The following ADIPOR2 variants were observed in gnomAD, a reference collection of about 807,000 sequenced individuals.
ADIPOR2 encodes the protein adiponectin receptor protein 2.
A neutral mutation model predicts 40.9 loss-of-function variants in ADIPOR2; 18 were observed. The ratio of observed to expected loss-of-function variants is 0.44; its 90% CI spans 0.30 to 0.65. The LOEUF (loss-of-function observed/expected upper bound fraction) is 0.65, where lower values mean the gene tolerates loss of function less well. Ranked by LOEUF, ADIPOR2 falls within the 30% of genes least tolerant of loss-of-function variation. The pLI is 0.09. For synonymous variants in ADIPOR2, 165 were observed against 166.4 expected, an observed-to-expected ratio of 0.99 and a Z score of 0.06; for missense variants, 283 against 479.2, an observed-to-expected ratio of 0.59 and a Z score of 3.82.
chr12:1,708,039 A>C (rs201817408), intron 1 of ADIPOR2, among the ~76,000 whole-genome samples: 2 of 142,360 alleles, frequency 1.4e-5, no homozygotes, highest in African/African-American at 5.0e-5. Context: ...AATGTTTGGT[A>C]AAAAAATAAC....
chr12:1,744,987 T>C (rs1356253946), intron 1 of ADIPOR2, among the ~76,000 whole-genome samples: 2 of 152,214 alleles, frequency 1.3e-5, no homozygotes, highest in Non-Finnish European at 2.9e-5. Flanking sequence ...CCTTTAAATT[T>C]TTTTTTAAGG....
chr12:1,780,769 C>A, intron 5 of ADIPOR2, 120 bp from the exon 6 acceptor site: 1 of 1,358,874 alleles, frequency 7.4e-7, no homozygotes, highest in Non-Finnish European at 9.9e-7. Context: ...AATTAAAGAG[C>A]AACCCAGTTT....
chr12:1,739,522 A>G (rs531464579), intron 1 of ADIPOR2, among the ~76,000 whole-genome samples: 33 of 152,354 alleles, frequency 2.2e-4, no homozygotes, highest in African/African-American at 7.5e-4. Context: ...TTTGTGATAG[A>G]TGAATGAAAA....
intron 3 of ADIPOR2, among the ~76,000 whole-genome samples, chr12:1,774,259 A>G (rs1340838337): frequency 2.6e-5 from 4 of 152,200 alleles, no homozygotes. Flanking sequence ...TCCCTTTCTG[A>G]ACAGAGAACA....
chr12:1,780,163 A>T, intron 4 of ADIPOR2: 1 of 266,942 alleles, frequency 3.7e-6, no homozygotes, highest in South Asian at 1.3e-4. Context: ...TGGCTTCATT[A>T]TATCTTCTAA....
chr12:1,728,037 T>G (rs1014407210), intron 1 of ADIPOR2, among the ~76,000 whole-genome samples: 2 of 152,112 alleles, frequency 1.3e-5, no homozygotes, highest in African/African-American at 4.8e-5. Flanking sequence ...TTGTGTAGGA[T>G]TTCCACATCT....
At chr12:1,729,060 T>C (rs1387088787) in intron 1 of ADIPOR2, among the ~76,000 whole-genome samples, 1 of 151,454 alleles carries the variant, frequency 6.6e-6, no homozygotes, top group Non-Finnish European at 1.5e-5. Context: ...AAATCTTTTT[T>C]CCCCCTCTAC....
chr12:1,706,450 C>T (rs117428822), intron 1 of ADIPOR2, among the ~76,000 whole-genome samples: 2 of 152,184 alleles, frequency 1.3e-5, no homozygotes, highest in East Asian at 1.9e-4. Flanking sequence ...GGAGTAAAGA[C>T]TAGGGAGTAT....
chr12:1,715,731 T>C (rs1361711845), intron 1 of ADIPOR2, among the ~76,000 whole-genome samples: 1 of 152,060 alleles, frequency 6.6e-6, no homozygotes, highest in Non-Finnish European at 1.5e-5. Flanking sequence ...CTGGGTTGGG[T>C]GGGGACTTGG....
At chr12:1,773,267 C>A (rs1364076740) in intron 3 of ADIPOR2, among the ~76,000 whole-genome samples, 1 of 152,050 alleles carries the variant, frequency 6.6e-6, no homozygotes, top group Non-Finnish European at 1.5e-5. Context: ...GAAACATAGT[C>A]AGAAGTGGTT....
intron 2 of ADIPOR2, among the ~76,000 whole-genome samples, chr12:1,762,211 C>T (rs1862284874): frequency 6.6e-6 from 1 of 152,164 alleles, no homozygotes. Flanking sequence ...CCACTTCATT[C>T]TATTTCAAGT....
At chr12:1,783,057 T>A (rs1479196816) in intron 6 of ADIPOR2, among the ~76,000 whole-genome samples, 2 of 146,342 alleles carry the variant, frequency 1.4e-5, no homozygotes, top group Non-Finnish European at 3.0e-5. Context: ...CCATCTTGGC[T>A]CCTGACCTCA....
chr12:1,692,386 G>A (rs2094628997), intron 1 of ADIPOR2, among the ~76,000 whole-genome samples: 1 of 152,166 alleles, frequency 6.6e-6, no homozygotes, highest in Non-Finnish European at 1.5e-5. Context: ...TTGTCAGAGT[G>A]TTGATTGTGA....
At chr12:1,761,293 T>C (rs893253302) in intron 2 of ADIPOR2, among the ~76,000 whole-genome samples, 1 of 152,230 alleles carries the variant, frequency 6.6e-6, no homozygotes, top group South Asian at 2.1e-4. Context: ...GTTTCCACTT[T>C]TCGACTGTTG....
rs766535675 is a variant in ADIPOR2 at position 1,780,476 on chromosome 12, G to T, written c.489G>T (p.Gly163=). 1.1e-5 allele frequency: 17 copies of T among 1,611,364 alleles called. No homozygotes were observed. Among genetic ancestry groups the T allele is most frequent in the Non-Finnish European group, 1.4e-5 (17 of 1,179,220 alleles). The change falls in exon 5 of 8, where the codon GGG becomes GGT. Residue 163 remains glycine, a synonymous_variant. Transcript: ENST00000357103. ...GTTGTGTATTCTTCCTGTGCCTGGG[G>T]ATCTTTTATATGTTTCGCCCAAATA... The part of the protein sequence containing the change: ...LLGCVFFLCL[G]IFYMFRPNIS...
At chr12:1,748,469 C>G (rs2154443252) in intron 1 of ADIPOR2, among the ~76,000 whole-genome samples, 1 of 152,164 alleles carries the variant, frequency 6.6e-6, no homozygotes, top group South Asian at 2.1e-4. Context: ...AGGATGGTCT[C>G]AATCTCCTGA....
At position 1,754,336 on chromosome 12, in the gene ADIPOR2, G is replaced by T; in HGVS notation, c.-8G>T. The T allele has an allele frequency of 1.3e-6, 2 of 1,586,990 alleles. No homozygotes were observed. Among genetic ancestry groups the T allele is most frequent in the Middle Eastern group, 1.7e-4 (1 of 5,966 alleles). On this transcript the variant is annotated 5_prime_UTR_variant, in exon 2 of 8. Coordinates refer to ENST00000357103, the MANE Select transcript of ADIPOR2 (RefSeq NM_024551.3). ...CAGATCTATTTGTAAGAAAGGCTTGGGTATCCCATGAACGAGCCAACAGAA... is the reference window on the plus strand; with the variant it reads ...CAGATCTATTTGTAAGAAAGGCTTGTGTATCCCATGAACGAGCCAACAGAA...
chr12:1,695,380 G>T (rs888220645), intron 1 of ADIPOR2, among the ~76,000 whole-genome samples: 2 of 151,752 alleles, frequency 1.3e-5, no homozygotes, highest in African/African-American at 4.8e-5. Flanking sequence ...TGGGCTGAGG[G>T]TGGTGGCTAA....
chr12:1,708,200 T>A (rs1373643947), intron 1 of ADIPOR2, among the ~76,000 whole-genome samples: 1 of 151,730 alleles, frequency 6.6e-6, no homozygotes, highest in African/African-American at 2.4e-5. Context: ...TTTTTTTTTT[T>A]AAATAAGGGA....
Sources: allele counts gnomAD v4.1 joint callset (sites outside exome capture counted in the v4.1 genomes callset), GRCh38; gene constraint gnomAD v4.1.1; transcripts MANE v1.5; gene names NCBI Gene and HGNC (gene_info 2026-07-23, HGNC 2026-07-21).